The following FOXP1 variants were observed in gnomAD, a reference collection of about 807,000 sequenced individuals.
FOXP1 encodes the protein forkhead box P1, also known as forkhead box protein P1.
A neutral mutation model predicts 98.2 loss-of-function variants in FOXP1; 15 were observed. The observed-to-expected ratio is 0.15, with a 90% CI of 0.10 to 0.24. The LOEUF (loss-of-function observed/expected upper bound fraction) is 0.24, where lower values mean the gene tolerates loss of function less well. FOXP1 is among the 10% of genes least tolerant of loss of function. FOXP1 has a pLI of 1.00. For missense variants in FOXP1, 633 were observed against 848.5 expected (o/e 0.75, Z 3.15); for synonymous variants, 371 against 314.5 (o/e 1.18, Z -1.90).
intron 3 of FOXP1, among the ~76,000 whole-genome samples, chr3:71,417,194 G>A (rs755855963): frequency 2.6e-5 from 4 of 152,152 alleles, no homozygotes; most frequent in Non-Finnish European, 4.4e-5. Context: ...GTACAGACTC[G>A]CGACATCCTC....
intron 2 of FOXP1, among the ~76,000 whole-genome samples, chr3:71,580,191 AT>A (rs11287434): frequency 0.59 from 84,669 of 144,254 alleles, 26,016 homozygotes; most frequent in Non-Finnish European, 0.63. Flanking sequence ...AAAAAAAGTG[AT>A]TTTTTTTTTC....
chr3:71,554,886 A>G (rs1474954185), intron 2 of FOXP1, among the ~76,000 whole-genome samples: 1 of 152,194 alleles, frequency 6.6e-6, no homozygotes, highest in Non-Finnish European at 1.5e-5. Flanking sequence ...CCTGATTTGT[A>G]TATGCTTGGT....
chr3:71,442,334 C>T (rs950759985), intron 3 of FOXP1, among the ~76,000 whole-genome samples: 1 of 151,584 alleles, frequency 6.6e-6, no homozygotes, highest in African/African-American at 2.4e-5. Context: ...TTACAACAGG[C>T]CAACTACAGC....
chr3:71,198,433 AG>A (rs2108384012), intron 5 of FOXP1, 41 bp from the exon 6 acceptor site: 2 of 1,010,856 alleles, frequency 2.0e-6, no homozygotes, highest in South Asian at 1.3e-5. Context: ...GGAGGGGGGG[AG>A]AAAAAAAAAG....
At chr3:70,985,276 A>C (rs567117635) in intron 14 of FOXP1, among the ~76,000 whole-genome samples, 1 of 152,336 alleles carries the variant, frequency 6.6e-6, no homozygotes, top group East Asian at 1.9e-4. Context: ...GGGCGGAATA[A>C]ATTAATTACA....
At chr3:71,011,506 C>G (rs1341982118) in intron 12 of FOXP1, among the ~76,000 whole-genome samples, 1 of 152,180 alleles carries the variant, frequency 6.6e-6, no homozygotes, top group East Asian at 1.9e-4. Context: ...AATGGACAAT[C>G]AATACTCCAA....
chr3:71,494,845 C>T (rs754356119), intron 2 of FOXP1, among the ~76,000 whole-genome samples: 19 of 151,012 alleles, frequency 1.3e-4, no homozygotes, highest in Non-Finnish European at 1.9e-4. Context: ...AGCCTCCAAG[C>T]AGCTTTGAGA....
rs186119812 is a variant in FOXP1 at position 71,315,942 on chromosome 3, T to C, written c.-72-16062A>G. On this transcript the variant is annotated intron_variant, in intron 4 of 20. Transcript: ENST00000649528. The stretch of plus-strand genomic sequence containing the variant: ...TCTATTTGCCTCTTAGTTTTGTTCA[T>C]AGGAAAATTCTTTTAACCAACTCTG... Among the ~76,000 whole-genome samples, 448 of 152,328 alleles carry C rather than the reference T, an allele frequency of 2.9e-3. 2 individuals carry two copies. Among genetic ancestry groups the C allele is most frequent in the African/African-American group, 0.01 (425 of 41,580 alleles).
chr3:70,965,913 T>C lies in FOXP1; in HGVS notation c.1866A>G (p.Pro622=). ...HTNSNESDSS[P]GRSPMQAVHP... ...ACACGGCTTGCATAGGAGATCTGCCTGGACTGCTGTCACTCTCGTTGCTGT... is the reference window on the plus strand; with the variant it reads ...ACACGGCTTGCATAGGAGATCTGCCCGGACTGCTGTCACTCTCGTTGCTGT... The change falls in exon 20 of 21, where the codon CCA becomes CCG. Residue 622 remains proline, a synonymous_variant. Coordinates refer to ENST00000649528, the MANE Select transcript of FOXP1 (RefSeq NM_001349338.3). 1.2e-6 allele frequency: 2 copies of C among 1,614,102 alleles called. No individual in the cohort carries two copies. Among genetic ancestry groups the C allele is most frequent in the Non-Finnish European group, 1.7e-6 (2 of 1,180,022 alleles).
intron 4 of FOXP1, among the ~76,000 whole-genome samples, chr3:71,303,968 A>C (rs766869074): frequency 7.2e-5 from 11 of 152,170 alleles, no homozygotes; most frequent in Non-Finnish European, 1.3e-4. Flanking sequence ...CACAAACACT[A>C]CACTTCTTTT....
chr3:71,502,146 C>T (rs2107200085), intron 2 of FOXP1, among the ~76,000 whole-genome samples: 2 of 152,352 alleles, frequency 1.3e-5, no homozygotes, highest in South Asian at 4.1e-4. Context: ...ATACCTTCCA[C>T]TCATGATTCA....
rs138709893 is a variant in FOXP1, at chr3:71,417,600, T to C, written c.-167-58356A>G. 2.4e-3 allele frequency among the ~76,000 whole-genome samples: 373 copies of C among 152,294 alleles called. 2 individuals carry two copies. The highest frequency in any genetic ancestry group is 8.7e-3 in the African/African-American group (361 of 41,568). ...CACATCTGAGACAATCTCAAAGTAT[T>C]ACATTTCCAGCTTTTAGGAGACAAA... On this transcript the variant is annotated intron_variant, in intron 3 of 20. Coordinates refer to ENST00000649528, the MANE Select transcript of FOXP1 (RefSeq NM_001349338.3).
At chr3:71,487,923 T>C (rs904913055) in intron 3 of FOXP1, among the ~76,000 whole-genome samples, 1 of 152,230 alleles carries the variant, frequency 6.6e-6, no homozygotes, top group African/African-American at 2.4e-5. Context: ...ATTTTATAAA[T>C]AGCATACACC....
intron 4 of FOXP1, among the ~76,000 whole-genome samples, chr3:71,317,035 T>A (rs2107650191): frequency 6.6e-6 from 1 of 152,178 alleles, no homozygotes; most frequent in East Asian, 1.9e-4. Flanking sequence ...CAAAGTAAAA[T>A]CCTCAGCTCA....
chr3:71,249,055 C>A (rs1395814914), intron 5 of FOXP1, among the ~76,000 whole-genome samples: 2 of 152,188 alleles, frequency 1.3e-5, no homozygotes, highest in African/African-American at 2.4e-5. Flanking sequence ...TGCTGGAAAC[C>A]CAGGAGGAAC....
chr3:71,349,074 G>A (rs1182756735), intron 4 of FOXP1, among the ~76,000 whole-genome samples: 2 of 152,164 alleles, frequency 1.3e-5, no homozygotes. Context: ...ACTGTGGTCA[G>A]AATTGGAATA....
In FOXP1 at chr3:71,314,525, T is replaced by TAA. The variant is rs202150001; in HGVS notation, c.-72-14647_-72-14646dup. 3.3e-3 allele frequency among the ~76,000 whole-genome samples: 447 copies of TAA among 136,542 alleles called. 3 individuals are homozygous for TAA. The highest frequency in any genetic ancestry group is 0.011 in the African/African-American group (380 of 35,790). 89.6% of individuals were successfully genotyped at this position (136,542 alleles called of 152,430 possible). ...CCTGGTGACAGAGTAAGACTCCGTC[T>TAA]AAAAAATATATATATATATATATAT... On this transcript the variant is annotated intron_variant, in intron 4 of 20. Transcript: ENST00000649528.
chr3:71,390,852 C>T (rs367877128), intron 3 of FOXP1, among the ~76,000 whole-genome samples: 1 of 152,130 alleles, frequency 6.6e-6, no homozygotes, highest in East Asian at 1.9e-4. Flanking sequence ...AAGAGATGAG[C>T]CCCCCATCTG....
chr3:71,553,895 T>C (rs563341985), intron 2 of FOXP1, among the ~76,000 whole-genome samples: 25 of 152,346 alleles, frequency 1.6e-4, no homozygotes, highest in African/African-American at 5.8e-4. Flanking sequence ...TAAATGTTGG[T>C]AGTTAGCTAC....
Sources: allele counts gnomAD v4.1 joint callset (sites outside exome capture counted in the v4.1 genomes callset), GRCh38; gene constraint gnomAD v4.1.1; transcripts MANE v1.5; gene names NCBI Gene and HGNC (gene_info 2026-07-23, HGNC 2026-07-21).